MYO15B: variants seen among roughly 807,000 people sequenced by gnomAD.
MYO15B encodes the protein myosin XVB.
Under a neutral mutation model 119.3 loss-of-function variants are expected in MYO15B, and 207 were observed. The observed-to-expected ratio is 1.73, with a 90% confidence interval of 1.55 to 1.95. The LOEUF is 1.95. Among genes scored for constraint, MYO15B ranks in the 30% most tolerant of loss-of-function variants. The pLI is 0.00. For synonymous variants in MYO15B, 966 were observed against 498.9 expected, an observed-to-expected ratio of 1.94 and a Z score of -12.48; for missense variants, 2,264 against 1,203.1, an observed-to-expected ratio of 1.88 and a Z score of -13.04.
rs1176870856 is a variant in MYO15B, at chr17:75,591,670, AAGCAGCCTGG to A, written c.2511_2520del (p.Ser837ArgfsTer86). The A allele has an allele frequency of 1.0e-5, 7 of 702,774 alleles. No homozygotes were observed. Among genetic ancestry groups the A allele is most frequent in the Non-Finnish European group, 1.6e-5 (6 of 384,974 alleles). The allele number at this position is 702,774 out of a possible 1,614,324, so 43.5% of individuals were successfully genotyped here. ...CCGCCAAAAAGATCATGCAGTTCCTAAGCAGCCTGGAGCAGGATCAGACGGGGAACCGAGA... is the reference window on the plus strand; with the variant it reads ...CCGCCAAAAAGATCATGCAGTTCCTAAGCAGGATCAGACGGGGAACCGAGA... On this transcript the variant is annotated frameshift_variant, in exon 5 of 64. Transcript: ENST00000645453. LOFTEE classifies it high-confidence loss of function.
chr17:75,617,775 C>G, intron 41 of MYO15B, 35 bp from the exon 42 acceptor site: 1 of 688,466 alleles, frequency 1.5e-6, no homozygotes, highest in Non-Finnish European at 2.7e-6. Flanking sequence ...TCTGCAGCCC[C>G]TCACTGAGGC....
Position 75,620,824 on chromosome 17 carries a change from GCA to G in MYO15B, c.7725+189_7725+190del, listed in dbSNP as rs775270764. 35 of 701,896 alleles carry G rather than the reference GCA, an allele frequency of 5.0e-5. 1 individual carries two copies. The South Asian group carries it at 5.1e-4, about 10-fold the overall frequency. The allele number at this position is 701,896 out of a possible 1,614,324, so 43.5% of individuals were successfully genotyped here. On this transcript the variant is annotated intron_variant, in intron 49 of 63. Transcript: ENST00000645453. ...CAGCAAGACTGTGCACTCCTTGCAG[GCA>G]GGGGCTGGGCTGGATGCTGCTCTTG...
chr17:75,597,106 C>CG (rs1284625452), intron 14 of MYO15B, among the ~76,000 whole-genome samples: 1 of 152,184 alleles, frequency 6.6e-6, no homozygotes, highest in Admixed American at 6.5e-5. Flanking sequence ...CATCTTGTCT[C>CG]GGGGTGATCT....
chr17:75,610,712 C>G (rs1026271515), intron 22 of MYO15B, 188 bp from the exon 23 acceptor site: 2 of 588,646 alleles, frequency 3.4e-6, no homozygotes, highest in Non-Finnish European at 6.1e-6. Context: ...TGGGCACAGA[C>G]GCCCACAGTG....
chr17:75,607,277 G>GATA (rs1194074216), intron 21 of MYO15B: 2 of 318,906 alleles, frequency 6.3e-6, no homozygotes, highest in Admixed American at 5.0e-5. Flanking sequence ...GAGTCTCTAT[G>GATA]AAGTTGCCCA....
At chr17:75,610,247 G>A in exon 22 of MYO15B, 1 of 700,462 alleles carries the variant, frequency 1.4e-6, no homozygotes, top group Non-Finnish European at 2.6e-6. Flanking sequence ...TCCAGAGGCG[G>A]CAGAGACTGC....
intron 14 of MYO15B, among the ~76,000 whole-genome samples, chr17:75,600,914 T>G (rs1382744910): frequency 4.1e-5 from 6 of 145,274 alleles, no homozygotes; most frequent in Non-Finnish European, 9.1e-5. Context: ...ATTTTTTTTT[T>G]TTTTTTTGAG....
exon 32 of MYO15B, chr17:75,614,798 G>A (rs1255023269): frequency 2.8e-6 from 2 of 702,834 alleles, no homozygotes; most frequent in Non-Finnish European, 5.2e-6. Context: ...CAGGGAGCCT[G>A]GACGGCTTCC....
rs1280467408 is a variant in MYO15B at position 75,605,859 on chromosome 17, C to T, written c.4135-5C>T. Reference sequence around the variant, plus strand: ...CCTGCCTACAGCCCACCCCTCTACCCACAGGTCCTGCTGCAGGAGCAGGGC... The same window carrying T: ...CCTGCCTACAGCCCACCCCTCTACCTACAGGTCCTGCTGCAGGAGCAGGGC... On this transcript the variant is annotated splice_polypyrimidine_tract_variant and splice_region_variant and intron_variant, in intron 20 of 63. Coordinates refer to ENST00000645453, the Ensembl canonical transcript of MYO15B. 10 of 690,804 alleles carry T rather than the reference C, an allele frequency of 1.4e-5. No individual in the cohort carries two copies. Among genetic ancestry groups the T allele is most frequent in the Middle Eastern group, 2.4e-4 (1 of 4,136 alleles). The allele number at this position is 690,804 out of a possible 1,614,324, so 42.8% of individuals were successfully genotyped here. A position where few individuals can be genotyped will look rare whatever the true frequency, so the allele number is the denominator to read the frequency against.
In MYO15B at chr17:75,625,839, C is replaced by T. The variant is rs758572554; in HGVS notation, c.8939-5C>T. The T allele has an allele frequency of 1.6e-5, 11 of 702,592 alleles. No individual in the cohort carries two copies. The highest frequency in any genetic ancestry group is 7.0e-5 in the African/African-American group (4 of 57,248). The allele number at this position is 702,592 out of a possible 1,614,324, so 43.5% of individuals were successfully genotyped here. A position where few individuals can be genotyped will look rare whatever the true frequency, so the allele number is the denominator to read the frequency against. On this transcript the variant is annotated splice_region_variant and splice_polypyrimidine_tract_variant and intron_variant, in intron 61 of 63. Coordinates refer to ENST00000645453, the Ensembl canonical transcript of MYO15B. ...ATTTCCTGCCTGCACCCTCTCCACC[C>T]GCAGAGGCCATGAGCCAGCTGCCCC...
At chr17:75,613,933 T>G (rs1261936839) in intron 29 of MYO15B, 156 bp downstream of exon 29, 6 of 598,660 alleles carry the variant, frequency 1.0e-5, no homozygotes, top group African/African-American at 1.9e-5. Flanking sequence ...GGGGGCAGAT[T>G]AGGAATGAGG....
chr17:75,626,780 G>A, exon 64 of MYO15B: 1 of 531,496 alleles, frequency 1.9e-6, no homozygotes, highest in Non-Finnish European at 3.4e-6. Context: ...GCTCCGCCCA[G>A]GCCCCACATT....
At chr17:75,588,494 T>A (rs992011088) in exon 1 of MYO15B, 5 of 398,240 alleles carry the variant, frequency 1.3e-5, no homozygotes, top group African/African-American at 1.0e-4. Flanking sequence ...CCCAGGAGCC[T>A]CAATGGGGAC....
intron 21 of MYO15B, among the ~76,000 whole-genome samples, chr17:75,606,348 C>G (rs2147907622): frequency 6.6e-6 from 1 of 151,712 alleles, no homozygotes; most frequent in South Asian, 2.1e-4. Context: ...GAGTTTTGCT[C>G]TTGTTACCCA....
intron 9 of MYO15B, among the ~76,000 whole-genome samples, chr17:75,593,552 G>A (rs1255072711): frequency 6.6e-6 from 1 of 151,816 alleles, no homozygotes; most frequent in East Asian, 1.9e-4. Flanking sequence ...GGAGGTGGCA[G>A]TGACCTGAGG....
chr17:75,621,568 T>C, exon 52 of MYO15B: 1 of 701,166 alleles, frequency 1.4e-6, no homozygotes. Context: ...GCCAGCTTCC[T>C]GGGTGAGTGG....
exon 55 of MYO15B, chr17:75,624,040 C>G (rs548114756): frequency 2.8e-6 from 2 of 703,038 alleles, no homozygotes; most frequent in East Asian, 5.4e-5. Context: ...GACCAAGTTT[C>G]TGCAGGATTC....
Position 75,625,250 on chromosome 17 carries a change from C to A in MYO15B, c.8804+12C>A. 1.4e-6 allele frequency: 1 copy of A among 691,002 alleles called. No homozygotes were observed. Among genetic ancestry groups the A allele is most frequent in the Non-Finnish European group, 2.6e-6 (1 of 377,604 alleles). The allele number at this position is 691,002 out of a possible 1,614,324, so 42.8% of individuals were successfully genotyped here. A position where few individuals can be genotyped will look rare whatever the true frequency, so the allele number is the denominator to read the frequency against. On this transcript the variant is annotated intron_variant, in intron 60 of 63. Coordinates refer to ENST00000645453, the Ensembl canonical transcript of MYO15B. Reference sequence around the variant, plus strand: ...AATACCCCCTCAGGGTGAGTGGAGGCACCTCCCGCCCCTAAGCCCCTCCCC... The same window carrying A: ...AATACCCCCTCAGGGTGAGTGGAGGAACCTCCCGCCCCTAAGCCCCTCCCC...
chr17:75,616,528 G>T (rs1046219716), exon 39 of MYO15B: 2 of 702,104 alleles, frequency 2.8e-6, no homozygotes, highest in Non-Finnish European at 5.2e-6. Context: ...GGTCAGTGCC[G>T]TCCCCTCCTC....
Sources: allele counts gnomAD v4.1 joint callset (sites outside exome capture counted in the v4.1 genomes callset), GRCh38; gene constraint gnomAD v4.1.1; transcripts MANE v1.5; gene names NCBI Gene and HGNC (gene_info 2026-07-23, HGNC 2026-07-21).